Variants in HACL1 observed in about 807,000 individuals in gnomAD.
HACL1 encodes the protein 2-hydroxyacyl-CoA lyase 1, also known as 1600020H07Rik.
Under a neutral mutation model 74.2 loss-of-function variants are expected in HACL1, and 64 were observed. The observed-to-expected ratio is 0.86, with a 90% confidence interval of 0.70 to 1.06. The LOEUF (loss-of-function observed/expected upper bound fraction) is 1.06, where lower values mean the gene tolerates loss of function less well. HACL1 is among the 50% of genes least tolerant of loss of function. The pLI, the probability that HACL1 is intolerant of heterozygous loss-of-function variation, is 0.00. For synonymous variants in HACL1, 230 were observed against 238.8 expected (o/e 0.96, Z 0.34); for missense variants, 728 against 719.7 (o/e 1.01, Z -0.13).
Position 15,563,974 on chromosome 3 carries a change from G to GA in HACL1, c.1518-431dup, listed in dbSNP as rs201672910. On this transcript the variant is annotated intron_variant, in intron 15 of 16. Transcript: ENST00000321169. ...TATTATGAATCCAGAAGAAAAACATGAAAAAAAAAGATTACTGCAAAACAA... is the reference window on the plus strand; with the variant it reads ...TATTATGAATCCAGAAGAAAAACATGAAAAAAAAAAGATTACTGCAAAACAA... Among the ~76,000 whole-genome samples the GA allele has an allele frequency of 1.5e-3, 229 of 150,872 alleles. 2 individuals carry two copies. The highest frequency in any genetic ancestry group is 5.2e-3 in the African/African-American group (213 of 41,150).
intron 8 of HACL1, among the ~76,000 whole-genome samples, chr3:15,580,651 C>T (rs551158974): frequency 1.5e-4 from 23 of 152,306 alleles, no homozygotes; most frequent in Non-Finnish European, 2.9e-4. Flanking sequence ...CTACACTCTA[C>T]AAGTCCCTGA....
chr3:15,585,236 A>G lies in HACL1; in HGVS notation c.554+12T>C. 7.8e-7 allele frequency: 1 copy of G among 1,279,074 alleles called. No individual in the cohort carries two copies. The highest frequency in any genetic ancestry group is 1.7e-5 in the Admixed American group (1 of 58,812). 79.2% of individuals were successfully genotyped at this position (1,279,074 alleles called of 1,614,324 possible). On this transcript the variant is annotated intron_variant, in intron 7 of 16. Coordinates refer to ENST00000321169, the MANE Select transcript of HACL1 (RefSeq NM_012260.4). ...ACATTGAAGAAAGAATTCCAGCATA[A>G]CTATTACTCACTTTATAGAATTCAC...
chr3:15,560,967 A>G, intron 16 of HACL1, 70 bp from the exon 17 acceptor site: 1 of 1,184,602 alleles, frequency 8.4e-7, no homozygotes, highest in Non-Finnish European at 1.3e-6. Context: ...TCATTGTTTC[A>G]CTTGTTCTAA....
At chr3:15,572,039 C>T (rs1559550286) in intron 11 of HACL1, among the ~76,000 whole-genome samples, 1 of 151,712 alleles carries the variant, frequency 6.6e-6, no homozygotes, top group Non-Finnish European at 1.5e-5. Flanking sequence ...GAAGTTTCAC[C>T]ATGTTGGCCA....
intron 3 of HACL1, among the ~76,000 whole-genome samples, chr3:15,592,374 A>G (rs923213890): frequency 4.6e-5 from 7 of 151,232 alleles, no homozygotes; most frequent in Non-Finnish European, 8.9e-5. Context: ...ATACATACAG[A>G]CACACGTATA....
At chr3:15,574,156 G>A (rs557197117) in intron 10 of HACL1, among the ~76,000 whole-genome samples, 25 of 152,314 alleles carry the variant, frequency 1.6e-4, no homozygotes, top group African/African-American at 5.8e-4. Context: ...CTTGAGGCCA[G>A]GAGAATTGCT....
chr3:15,561,656 G>A (rs1010567014), intron 16 of HACL1, among the ~76,000 whole-genome samples: 1 of 152,100 alleles, frequency 6.6e-6, no homozygotes, highest in Non-Finnish European at 1.5e-5. Context: ...GCTTTTCTGT[G>A]ATTAACATAG....
chr3:15,563,257 C>T (rs777355474), intron 16 of HACL1, 101 bp downstream of exon 16: 8 of 746,970 alleles, frequency 1.1e-5, no homozygotes, highest in Middle Eastern at 3.2e-4. Context: ...TTAGAAAGAC[C>T]TCTGTGGATG....
At chr3:15,561,119 T>G (rs923380770) in intron 16 of HACL1, among the ~76,000 whole-genome samples, 3 of 152,178 alleles carry the variant, frequency 2.0e-5, no homozygotes, top group African/African-American at 7.2e-5. Flanking sequence ...TGGGTCCTCT[T>G]CCATTCACAG....
intron 4 of HACL1, 141 bp from the exon 5 acceptor site, chr3:15,589,753 G>C: frequency 1.6e-6 from 1 of 642,946 alleles, no homozygotes; most frequent in African/African-American, 1.8e-5. Flanking sequence ...TGTAGATTAA[G>C]GCTGGGTGAG....
chr3:15,569,417 A>G (rs747444525), intron 12 of HACL1, among the ~76,000 whole-genome samples: 6 of 151,994 alleles, frequency 3.9e-5, no homozygotes, highest in African/African-American at 7.2e-5. Flanking sequence ...CAGGCATGGT[A>G]GCTCACGCCT....
At chr3:15,578,820 T>C (rs958522830) in intron 9 of HACL1, among the ~76,000 whole-genome samples, 1 of 152,092 alleles carries the variant, frequency 6.6e-6, no homozygotes, top group Non-Finnish European at 1.5e-5. Flanking sequence ...CTTCTGCAGC[T>C]TGTTCAGAGG....
chr3:15,591,633 A>G lies in HACL1; in HGVS notation c.275T>C (p.Leu92Ser), dbSNP rs774138036. Residue 92 changes from leucine (L) to serine (S), a missense_variant, in exon 4 of 17, where the codon TTG becomes TCG. Transcript: ENST00000321169. ...CATGTTTGCATTTGCCATACCGCCC[A>G]AGGCATGGATGAGACCTGGGCCAGA... ...VVSGPGLIHA[L>S]GGMANANMNC... 1.9e-6 allele frequency: 3 copies of G among 1,611,054 alleles called. No homozygotes were observed. In the South Asian group the frequency reaches 3.3e-5, roughly 18 times the overall value.
At chr3:15,563,312 G>A (rs2063376823) in intron 16 of HACL1, 46 bp downstream of exon 16, 1 of 1,292,636 alleles carries the variant, frequency 7.7e-7, no homozygotes, top group Non-Finnish European at 1.1e-6. Context: ...AGGGGGATAG[G>A]GGAAGCAGAT....
chr3:15,588,606 A>G (rs914856058), intron 5 of HACL1, among the ~76,000 whole-genome samples: 2 of 152,142 alleles, frequency 1.3e-5, no homozygotes, highest in Non-Finnish European at 1.5e-5. Context: ...AAAGAAAAAA[A>G]AAAGAAAGAA....
rs1396365235 is a variant in HACL1 at position 15,581,092 on chromosome 3, G to C, written c.668-1047C>G. Among the ~76,000 whole-genome samples, 3 of 152,210 alleles carry C rather than the reference G, an allele frequency of 2.0e-5. No individual in the cohort carries two copies. In the East Asian group the frequency reaches 5.8e-4, roughly 29 times the overall value. ...AATTTTTGTATTTTCAGTAGAGACA[G>C]GGTTTCACCATGTTGGCCAGGATGG... On this transcript the variant is annotated intron_variant, in intron 8 of 16. Coordinates refer to ENST00000321169, the MANE Select transcript of HACL1 (RefSeq NM_012260.4).
At chr3:15,600,604 C>G (rs1354070543) in intron 2 of HACL1, among the ~76,000 whole-genome samples, 2 of 152,228 alleles carry the variant, frequency 1.3e-5, no homozygotes, top group Non-Finnish European at 2.9e-5. Flanking sequence ...CTCCACCCTG[C>G]CCCGAACCAA....
chr3:15,599,468 A>C (rs1035595440), intron 2 of HACL1, among the ~76,000 whole-genome samples: 11 of 151,816 alleles, frequency 7.2e-5, no homozygotes, highest in Admixed American at 4.6e-4. Context: ...TACATCGCCC[A>C]CCTGTTTAGA....
At chr3:15,577,463 A>G (rs1482296941) in intron 9 of HACL1, among the ~76,000 whole-genome samples, 1 of 151,890 alleles carries the variant, frequency 6.6e-6, no homozygotes, top group Non-Finnish European at 1.5e-5. Context: ...CTGCAAATGA[A>G]TCCATAATTT....
Sources: allele counts gnomAD v4.1 joint callset (sites outside exome capture counted in the v4.1 genomes callset), GRCh38; gene constraint gnomAD v4.1.1; transcripts MANE v1.5; gene names NCBI Gene and HGNC (gene_info 2026-07-23, HGNC 2026-07-21).